The following ATAD3A variants were observed in gnomAD, a reference collection of about 807,000 sequenced individuals.
The protein encoded by ATAD3A is ATPase family AAA domain containing 3A, also known as ATPase family AAA domain-containing protein 3A.
Under a neutral mutation model 73.8 loss-of-function variants are expected in ATAD3A, and 46 were observed. That is an observed-to-expected ratio of 0.62 (90% CI 0.49 to 0.80). ATAD3A has a LOEUF of 0.80. Among genes scored for constraint, ATAD3A ranks in the 30% least tolerant of loss-of-function variants. The probability of loss-of-function intolerance (pLI) is 0.00; values close to 1 mark genes in which losing one functional copy is unlikely to be tolerated. For missense variants in ATAD3A, 705 were observed against 838.0 expected, an observed-to-expected ratio of 0.84 and a Z score of 1.96; for synonymous variants, 319 against 350.0, an observed-to-expected ratio of 0.91 and a Z score of 0.99.
chr1:1,531,554 A>G (rs1444934603), intron 15 of ATAD3A, among the ~76,000 whole-genome samples: 1 of 151,428 alleles, frequency 6.6e-6, no homozygotes, highest in East Asian at 2.0e-4. Context: ...TGGGCGGATC[A>G]TGAAGTCAGG....
rs565156875 is a variant in ATAD3A, at chr1:1,524,125, C to G, written c.1090-148C>G. On this transcript the variant is annotated intron_variant, in intron 10 of 15. Coordinates refer to ENST00000378756, the MANE Select transcript of ATAD3A (RefSeq NM_001170535.3). ...TGGTGTGGGCAGCAGCGCCTCCCATCTTCCAGGCGGGGGACGTCTCCTGTC... is the reference window on the plus strand; with the variant it reads ...TGGTGTGGGCAGCAGCGCCTCCCATGTTCCAGGCGGGGGACGTCTCCTGTC... 40 of 1,540,576 alleles carry G rather than the reference C, an allele frequency of 2.6e-5. No individual in the cohort carries two copies. The South Asian group carries it at 2.8e-4, about 11-fold the overall frequency.
At chr1:1,518,898 C>G (rs1389433976) in intron 4 of ATAD3A, 23 bp from the exon 5 acceptor site, 2 of 1,614,130 alleles carry the variant, frequency 1.2e-6, no homozygotes, top group South Asian at 1.1e-5. Flanking sequence ...AGGCTTTTCT[C>G]TTTTTCTGCG....
At chr1:1,514,179 C>T (rs1384717576) in intron 1 of ATAD3A, among the ~76,000 whole-genome samples, 2 of 152,200 alleles carry the variant, frequency 1.3e-5, no homozygotes, top group Non-Finnish European at 2.9e-5. Context: ...CCTGCTCTTT[C>T]CCCTCTCCTC....
chr1:1,522,328 A>T (rs1481249283), intron 7 of ATAD3A, among the ~76,000 whole-genome samples: 1 of 152,204 alleles, frequency 6.6e-6, no homozygotes, highest in African/African-American at 2.4e-5. Flanking sequence ...GACCTGAGCT[A>T]CTGTGCCCAG....
intron 15 of ATAD3A, among the ~76,000 whole-genome samples, chr1:1,533,191 T>G (rs1393280131): frequency 1.3e-5 from 2 of 152,180 alleles, no homozygotes; most frequent in Non-Finnish European, 2.9e-5. Context: ...AAGGGTCCCC[T>G]GCCCTGTGCT....
intron 14 of ATAD3A, among the ~76,000 whole-genome samples, 191 bp downstream of exon 14, chr1:1,528,053 G>A (rs1232021723): frequency 3.3e-5 from 5 of 150,602 alleles, no homozygotes; most frequent in African/African-American, 9.8e-5. Context: ...TCTGCCTCCC[G>A]GGTTCAAACA....
intron 4 of ATAD3A, among the ~76,000 whole-genome samples, chr1:1,518,446 C>T (rs561246319): frequency 1.6e-3 from 222 of 143,022 alleles, no homozygotes; most frequent in African/African-American, 4.9e-3. Flanking sequence ...CACATGGGCG[C>T]GCGTACACCC....
At chr1:1,512,720 A>G (rs143610735) in intron 1 of ATAD3A, 26,522 of 1,213,234 alleles carry the variant, frequency 0.022, 468 homozygotes, top group Admixed American at 0.062. Context: ...GGTGGCGCTC[A>G]TAGGTTACAG....
Position 1,534,054 on chromosome 1 carries a change from C to G in ATAD3A, c.1743C>G (p.Asp581Glu), listed in dbSNP as rs138576169. ...WLKAEGPGRG[D>E]EPSPS ...AGGCGGAAGGGCCTGGGCGTGGGGA[C>G]GAGCCCTCCCCATCCTGAGTCCACA... is the stretch of plus-strand genomic sequence containing the variant. Residue 581 changes from aspartate (D) to glutamate (E), a missense_variant, in exon 16 of 16, where the codon GAC (aspartate) becomes GAG (glutamate). Coordinates refer to ENST00000378756, the MANE Select transcript of ATAD3A (RefSeq NM_001170535.3). 28 of 1,613,416 alleles carry G rather than the reference C, an allele frequency of 1.7e-5. No individual in the cohort carries two copies. The highest frequency in any genetic ancestry group is 6.7e-5 in the Admixed American group (4 of 60,002).
intron 7 of ATAD3A, among the ~76,000 whole-genome samples, chr1:1,521,358 A>G (rs1641593378): frequency 6.6e-6 from 1 of 150,788 alleles, no homozygotes; most frequent in South Asian, 2.1e-4. Context: ...TCCATTTTGC[A>G]AAAACCTTCT....
In ATAD3A at chr1:1,534,429, GTGA is replaced by G. The variant is rs1311379950; in HGVS notation, c.*360_*362del. 1.6e-6 allele frequency: 2 copies of G among 1,279,114 alleles called. No individual in the cohort carries two copies. Among genetic ancestry groups the G allele is most frequent in the African/African-American group, 3.0e-5 (2 of 66,220 alleles). The allele number at this position is 1,279,114 out of a possible 1,614,324, so 79.2% of individuals were successfully genotyped here. On this transcript the variant is annotated 3_prime_UTR_variant, in exon 16 of 16. Coordinates refer to ENST00000378756, the MANE Select transcript of ATAD3A (RefSeq NM_001170535.3). ...CCCCGGGGCAGCAGGAGCCAGGCAG[GTGA>G]TGTCTTTGTTCTCGGCTCCCACAGC...
chr1:1,523,303 A>C lies in ATAD3A; in HGVS notation c.907-208A>C, dbSNP rs1331276663. On this transcript the variant is annotated intron_variant, in intron 8 of 15. Coordinates refer to ENST00000378756, the MANE Select transcript of ATAD3A (RefSeq NM_001170535.3). The surrounding 1 kb of genome is among the most constrained non-coding windows in gnomAD (Gnocchi z 5.1). ...CACTGGGTAGGTGGTTAAGAAAATA[A>C]AAGCCAATAAGGAACCGGAAAATGC... Among the ~76,000 whole-genome samples the C allele has an allele frequency of 1.3e-5, 2 of 152,134 alleles. No homozygotes were observed. The highest frequency in any genetic ancestry group is 2.9e-5 in the Non-Finnish European group (2 of 68,024).
At position 1,534,019 on chromosome 1, in the gene ATAD3A, T is replaced by C. The variant is rs41285842; in HGVS notation, c.1708T>C (p.Cys570Arg). ...TGTCCAGCAGCACCAGCAGAAGATGTGCTGGCTGAAGGCGGAAGGGCCTGG... is the reference window on the plus strand; with the variant it reads ...TGTCCAGCAGCACCAGCAGAAGATGCGCTGGCTGAAGGCGGAAGGGCCTGG... ...DAVQQHQQKM[C>R]WLKAEGPGRG... Residue 570 changes from cysteine (C) to arginine (R), a missense_variant, in exon 16 of 16, where the codon TGC becomes CGC. Physicochemically the swap from Cys to Arg is radical, Grantham distance 180. Coordinates refer to ENST00000378756, the MANE Select transcript of ATAD3A (RefSeq NM_001170535.3). The C allele has an allele frequency of 0.014, 22,953 of 1,613,380 alleles. 226 individuals are homozygous for C. Among genetic ancestry groups the C allele is most frequent in the Non-Finnish European group, 0.016 (18,626 of 1,179,722 alleles).
chr1:1,522,273 T>G (rs868756812), intron 7 of ATAD3A, among the ~76,000 whole-genome samples: 3 of 152,140 alleles, frequency 2.0e-5, no homozygotes, highest in Non-Finnish European at 4.4e-5. Context: ...ACTCTTGACC[T>G]CAGGTGATCC....
intron 15 of ATAD3A, among the ~76,000 whole-genome samples, chr1:1,530,853 AAAC>A (rs1642010801): frequency 6.9e-6 from 1 of 145,266 alleles, no homozygotes; most frequent in Non-Finnish European, 1.5e-5. Context: ...AAAAAAAAAA[AAAC>A]TAAGAATAAT....
At chr1:1,525,337 C>T (rs1472606489) in intron 12 of ATAD3A, 46 bp downstream of exon 12, 4 of 1,611,160 alleles carry the variant, frequency 2.5e-6, no homozygotes, top group African/African-American at 2.7e-5. Flanking sequence ...GTGGGGTGGG[C>T]ACAGCCGTCT....
rs1296589138 is a variant in ATAD3A, at chr1:1,523,852, C to T, written c.977C>T (p.Ala326Val). Residue 326 changes from alanine to valine, a missense_variant, in exon 10 of 16, where the codon GCA (alanine) becomes GTA (valine). Coordinates refer to ENST00000378756, the MANE Select transcript of ATAD3A (RefSeq NM_001170535.3). This position sits in a 1 kb window ranked among gnomAD's most constrained non-coding sequence, Gnocchi z 5.1. ...EGVVLSPSLEARVRDIAIATR... is the reference protein window; with the variant it reads ...EGVVLSPSLEVRVRDIAIATR... ...CTTCCCCGGCAGCCCAGCCTGGAAG[C>T]ACGGGTGCGCGACATCGCCATAGCA... 8 of 1,614,004 alleles carry T rather than the reference C, an allele frequency of 5.0e-6. No individual in the cohort carries two copies. Among genetic ancestry groups the T allele is most frequent in the Non-Finnish European group, 6.8e-6 (8 of 1,180,004 alleles).
rs1321749316 is a variant in ATAD3A at position 1,523,268 on chromosome 1, CT to C, written c.907-242del. On this transcript the variant is annotated intron_variant, in intron 8 of 15. Coordinates refer to ENST00000378756, the MANE Select transcript of ATAD3A (RefSeq NM_001170535.3). This position sits in a 1 kb window ranked among gnomAD's most constrained non-coding sequence, Gnocchi z 5.1. ...GCTCGCCGCCCCCGAGGTGCCTGCT[CT>C]CCACAGGTCACTGGGTAGGTGGTTA... Among the ~76,000 whole-genome samples the C allele has an allele frequency of 1.3e-5, 2 of 152,154 alleles. No individual in the cohort carries two copies. Among genetic ancestry groups the C allele is most frequent in the African/African-American group, 2.4e-5 (1 of 41,418 alleles).
At chr1:1,526,135 G>A (rs1641835002) in intron 12 of ATAD3A, among the ~76,000 whole-genome samples, 1 of 151,572 alleles carries the variant, frequency 6.6e-6, no homozygotes, top group Non-Finnish European at 1.5e-5. Flanking sequence ...TGATTCTCGT[G>A]CCTCAGCCTC....
Sources: gnomAD v4.1 joint callset for allele counts (sites outside exome capture counted in the v4.1 genomes callset) on GRCh38, gnomAD v4.1.1 for gene constraint, Gnocchi (gnomAD v3.1) non-coding constraint, MANE v1.5 for transcripts, NCBI Gene and HGNC (gene_info 2026-07-23, HGNC 2026-07-21) for gene names.